The following ELOVL5 variants were observed in gnomAD, a reference collection of about 807,000 sequenced individuals.
ELOVL5 encodes very long chain fatty acid elongase 5.
ELOVL5 carries 8 observed loss-of-function variants against 38.6 expected under a neutral mutation model. The observed-to-expected ratio is 0.21, with a 90% CI of 0.12 to 0.37. The LOEUF is 0.37. Ranked by LOEUF, ELOVL5 falls within the 10% of genes least tolerant of loss-of-function variation. The pLI, the probability that ELOVL5 is intolerant of heterozygous loss-of-function variation, is 1.00. For missense variants in ELOVL5, 280 were observed against 367.8 expected, an observed-to-expected ratio of 0.76 and a Z score of 1.95; for synonymous variants, 127 against 133.7, an observed-to-expected ratio of 0.95 and a Z score of 0.34.
chr6:53,340,911 T>C (rs1769296713), intron 1 of ELOVL5, among the ~76,000 whole-genome samples: 1 of 152,192 alleles, frequency 6.6e-6, no homozygotes, highest in Non-Finnish European at 1.5e-5. Context: ...AATGTGAGTG[T>C]CTTTCCCTCC....
intron 3 of ELOVL5, among the ~76,000 whole-genome samples, chr6:53,279,690 T>C (rs1428628152): frequency 6.6e-6 from 1 of 152,244 alleles, no homozygotes; most frequent in Non-Finnish European, 1.5e-5. Flanking sequence ...AGGCTTGACT[T>C]TGTGATCATA....
intron 2 of ELOVL5, among the ~76,000 whole-genome samples, chr6:53,293,387 A>G (rs1973914): frequency 0.36 from 55,143 of 151,890 alleles, 11,120 homozygotes; most frequent in African/African-American, 0.55. Flanking sequence ...GCGTGATCTC[A>G]GCTCACTGCA....
At chr6:53,283,048 T>C (rs1289744489) in intron 3 of ELOVL5, among the ~76,000 whole-genome samples, 1 of 151,912 alleles carries the variant, frequency 6.6e-6, no homozygotes, top group Non-Finnish European at 1.5e-5. Context: ...ATCTTTCCAA[T>C]AAAAAAGCAT....
chr6:53,269,309 A>AGACT (rs2127564544), intron 7 of ELOVL5, 39 bp from the exon 8 acceptor site: 1 of 1,523,738 alleles, frequency 6.6e-7, no homozygotes, highest in Non-Finnish European at 8.8e-7. Context: ...AAATGACCAC[A>AGACT]GTTTTCTTTA....
At chr6:53,287,072 A>G (rs1423918786) in intron 3 of ELOVL5, among the ~76,000 whole-genome samples, 1 of 152,074 alleles carries the variant, frequency 6.6e-6, no homozygotes, top group African/African-American at 2.4e-5. Context: ...TAAAATAAAA[A>G]TTGAAAAGGG....
chr6:53,294,213 C>A, intron 2 of ELOVL5: 1 of 1,484,524 alleles, frequency 6.7e-7, no homozygotes, highest in African/African-American at 1.4e-5. Context: ...GACCCGAACT[C>A]CAGCCCCAGG....
intron 3 of ELOVL5, among the ~76,000 whole-genome samples, chr6:53,290,937 T>C (rs1429861553): frequency 6.6e-6 from 1 of 152,122 alleles, no homozygotes; most frequent in Non-Finnish European, 1.5e-5. Context: ...CAGGAGTGCC[T>C]GTATAGGTTT....
chr6:53,345,660 G>C (rs1195019747), intron 1 of ELOVL5, among the ~76,000 whole-genome samples: 6 of 63,268 alleles, frequency 9.5e-5, no homozygotes, highest in African/African-American at 1.9e-4. Flanking sequence ...ACAGATTTTA[G>C]ACAGATTTAA....
chr6:53,282,246 A>C lies in ELOVL5; in HGVS notation c.247-5990T>G, dbSNP rs549410605. 5.3e-5 allele frequency among the ~76,000 whole-genome samples: 8 copies of C among 152,360 alleles called. No individual in the cohort carries two copies. The East Asian group carries it at 1.5e-3, about 29-fold the overall frequency. Reference sequence around the variant, plus strand: ...CCAAAGTATAATTTGTGTCATTTAAAGGAAGGTCTCCAGCCTACCCACTGA... The same window carrying C: ...CCAAAGTATAATTTGTGTCATTTAACGGAAGGTCTCCAGCCTACCCACTGA... On this transcript the variant is annotated intron_variant, in intron 3 of 7. Transcript: ENST00000304434.
At chr6:53,301,205 T>C (rs776796175) in intron 1 of ELOVL5, among the ~76,000 whole-genome samples, 6 of 152,250 alleles carry the variant, frequency 3.9e-5, no homozygotes, top group South Asian at 2.1e-4. Flanking sequence ...AGGTCTGTGG[T>C]TGGCCTCACT....
chr6:53,329,759 G>C (rs960583965), intron 1 of ELOVL5, among the ~76,000 whole-genome samples: 14 of 152,172 alleles, frequency 9.2e-5, no homozygotes, highest in African/African-American at 3.4e-4. Context: ...AGAAGGCAGA[G>C]GTTGCAGTGA....
At chr6:53,277,066 G>A (rs1766165090) in intron 3 of ELOVL5, 2 of 149,580 alleles carry the variant, frequency 1.3e-5, no homozygotes, top group African/African-American at 4.9e-5. Context: ...GGGCTGTGAT[G>A]TAGAGTCTGC....
chr6:53,307,936 T>C (rs887589731), intron 1 of ELOVL5, among the ~76,000 whole-genome samples: 4 of 152,172 alleles, frequency 2.6e-5, no homozygotes, highest in African/African-American at 9.7e-5. Flanking sequence ...GAGCCAGAAT[T>C]TGAACCACAT....
rs775652007 is a variant in ELOVL5, at chr6:53,291,834, C to T, written c.188G>A (p.Gly63Glu). 3 of 1,613,938 alleles carry T rather than the reference C, an allele frequency of 1.9e-6. No individual in the cohort carries two copies. The highest frequency in any genetic ancestry group is 2.5e-6 in the Non-Finnish European group (3 of 1,179,960). Residue 63 changes from glycine to glutamate, a missense_variant, in exon 3 of 8, where the codon GGG (glycine) becomes GAG (glutamate). Around this residue, in one of 3 missense-constraint regions of ELOVL5, gnomAD observed 150 missense variants for 178.0 expected, o/e 0.84. Coordinates refer to ENST00000304434, the MANE Select transcript of ELOVL5 (RefSeq NM_021814.5). ...TCCAAGGTTATACACCACTAAAATC[C>T]CCCGGCAAGAGAATGGCTGTTTATT... ...MRNKQPFSCR[G>E]ILVVYNLGLT...
chr6:53,283,153 A>T (rs1409019345), intron 3 of ELOVL5, among the ~76,000 whole-genome samples: 1 of 152,228 alleles, frequency 6.6e-6, no homozygotes, highest in Non-Finnish European at 1.5e-5. Context: ...CTCTCTCACT[A>T]TAAACACAGG....
At chr6:53,343,648 G>C (rs73740722) in intron 1 of ELOVL5, among the ~76,000 whole-genome samples, 98 of 152,162 alleles carry the variant, frequency 6.4e-4, no homozygotes, top group African/African-American at 2.3e-3. Flanking sequence ...CATTTTAAAG[G>C]AAAAGAGACC....
intron 1 of ELOVL5, among the ~76,000 whole-genome samples, chr6:53,309,667 G>C (rs1344830002): frequency 6.6e-6 from 1 of 152,176 alleles, no homozygotes; most frequent in Non-Finnish European, 1.5e-5. Flanking sequence ...TCTGGGATTA[G>C]GTGATAACAG....
At chr6:53,317,808 TA>T (rs1415574543) in intron 1 of ELOVL5, among the ~76,000 whole-genome samples, 1 of 141,738 alleles carries the variant, frequency 7.1e-6, no homozygotes, top group Non-Finnish European at 1.5e-5. Flanking sequence ...AATAAAATTT[TA>T]AAAAAAGATG....
intron 3 of ELOVL5, among the ~76,000 whole-genome samples, chr6:53,281,183 A>C (rs1441104973): frequency 3.3e-5 from 5 of 152,218 alleles, no homozygotes; most frequent in Non-Finnish European, 5.9e-5. Context: ...AGCTTGATGA[A>C]GCTGCATGTT....
Sources: gnomAD v4.1 joint callset for allele counts (sites outside exome capture counted in the v4.1 genomes callset) on GRCh38, gnomAD v4.1.1 for gene constraint, gnomAD v4.1.1 regional missense constraint, MANE v1.5 for transcripts, NCBI Gene and HGNC (gene_info 2026-07-23, HGNC 2026-07-21) for gene names.